Variants in SUGCT observed in about 807,000 individuals in gnomAD.
SUGCT encodes the protein succinyl-CoA:glutarate-CoA transferase, also known as succinyl-CoA:glutarate CoA-transferase.
SUGCT carries 41 observed loss-of-function variants against 55.0 expected under a neutral mutation model. That is an observed-to-expected ratio of 0.74 (90% CI 0.58 to 0.97). The LOEUF (loss-of-function observed/expected upper bound fraction) is 0.97, where lower values mean the gene tolerates loss of function less well. Among genes scored for constraint, SUGCT ranks in the 50% least tolerant of loss-of-function variants. SUGCT has a pLI of 0.00. For missense variants in SUGCT, 568 were observed against 547.8 expected, an observed-to-expected ratio of 1.04 and a Z score of -0.37; for synonymous variants, 187 against 200.4, an observed-to-expected ratio of 0.93 and a Z score of 0.56.
At chr7:40,791,194 T>G (rs1372671679) in intron 13 of SUGCT, among the ~76,000 whole-genome samples, 4 of 152,156 alleles carry the variant, frequency 2.6e-5, no homozygotes, top group Non-Finnish European at 5.9e-5. Context: ...ATTAAAAAAA[T>G]TAAAGTTGTT....
the SUGCT span, among the ~76,000 whole-genome samples, chr7:40,869,371 G>A: frequency 1.3e-5 from 2 of 152,168 alleles, no homozygotes; most frequent in African/African-American, 4.8e-5. Context: ...GCCTCTAGGA[G>A]GTGAGAGAAA....
the SUGCT span, among the ~76,000 whole-genome samples, chr7:41,018,432 C>T: frequency 6.6e-6 from 1 of 152,140 alleles, no homozygotes; most frequent in African/African-American, 2.4e-5. Flanking sequence ...GGTGAGGAAG[C>T]ATGGCAGGGA....
chr7:40,137,155 TCTCA>T (rs1787742990), intron 1 of SUGCT, among the ~76,000 whole-genome samples: 2 of 152,068 alleles, frequency 1.3e-5, no homozygotes, highest in Non-Finnish European at 2.9e-5. Context: ...CATGGGGTGG[TCTCA>T]CTCTGTCACC....
At chr7:40,139,771 G>A (rs757492094) in intron 1 of SUGCT, among the ~76,000 whole-genome samples, 6 of 151,942 alleles carry the variant, frequency 3.9e-5, no homozygotes, top group South Asian at 4.1e-4. Context: ...TTTGTTGCCC[G>A]TGCTTTTGAG....
intron 9 of SUGCT, among the ~76,000 whole-genome samples, chr7:40,361,222 A>G (rs909140472): frequency 3.3e-5 from 5 of 152,104 alleles, no homozygotes; most frequent in African/African-American, 1.2e-4. Flanking sequence ...TTTCCCAGTC[A>G]GCAGTCTAAT....
At chr7:41,033,375 A>G in the SUGCT span, among the ~76,000 whole-genome samples, 7 of 152,080 alleles carry the variant, frequency 4.6e-5, no homozygotes, top group Middle Eastern at 6.3e-3. Context: ...TGGCCATTTA[A>G]ATTTCCCTGA....
chr7:40,756,921 T>C (rs1230206335), intron 13 of SUGCT, among the ~76,000 whole-genome samples: 1 of 152,150 alleles, frequency 6.6e-6, no homozygotes, highest in Non-Finnish European at 1.5e-5. Flanking sequence ...AGGAAGTTTC[T>C]AGAGTCTGTC....
At chr7:40,881,600 A>G in the SUGCT span, among the ~76,000 whole-genome samples, 1 of 152,356 alleles carries the variant, frequency 6.6e-6, no homozygotes, top group African/African-American at 2.4e-5. Flanking sequence ...AAAAGAGGAC[A>G]TTGTTAAGCC....
At chr7:40,610,327 G>A (rs1462894729) in intron 12 of SUGCT, among the ~76,000 whole-genome samples, 2 of 152,126 alleles carry the variant, frequency 1.3e-5, no homozygotes, top group Non-Finnish European at 2.9e-5. Flanking sequence ...CTTAATTCTT[G>A]CAAACCTTTT....
chr7:40,546,610 A>G (rs1332560754), intron 12 of SUGCT: 3 of 152,126 alleles, frequency 2.0e-5, no homozygotes, highest in Non-Finnish European at 2.9e-5. Flanking sequence ...TTGACAACAG[A>G]CTCTTAGACT....
At chr7:40,888,831 G>A in the SUGCT span, among the ~76,000 whole-genome samples, 3 of 152,140 alleles carry the variant, frequency 2.0e-5, no homozygotes, top group African/African-American at 2.4e-5. Context: ...ACCTACTCCC[G>A]AGTATGCATT....
At chr7:40,518,056 A>C (rs1218705540) in intron 12 of SUGCT, among the ~76,000 whole-genome samples, 1 of 152,148 alleles carries the variant, frequency 6.6e-6, no homozygotes, top group African/African-American at 2.4e-5. Context: ...GAACTCTTCT[A>C]TATGGTACTG....
chr7:40,565,075 G>A (rs1366357735), intron 12 of SUGCT, among the ~76,000 whole-genome samples: 1 of 152,202 alleles, frequency 6.6e-6, no homozygotes, highest in African/African-American at 2.4e-5. Flanking sequence ...AAAATATGTT[G>A]TGGATGTGGG....
chr7:40,925,208 T>G, the SUGCT span, among the ~76,000 whole-genome samples: 1 of 152,234 alleles, frequency 6.6e-6, no homozygotes, highest in South Asian at 2.1e-4. Flanking sequence ...TCTATTTTTA[T>G]GAGAATTTTC....
intron 13 of SUGCT, among the ~76,000 whole-genome samples, chr7:40,801,402 G>C (rs1394841481): frequency 6.6e-6 from 1 of 152,130 alleles, no homozygotes; most frequent in Non-Finnish European, 1.5e-5. Flanking sequence ...ATTCTCATAG[G>C]CTTGGGTTAT....
chr7:40,980,304 A>T, the SUGCT span, among the ~76,000 whole-genome samples: 1 of 152,336 alleles, frequency 6.6e-6, no homozygotes, highest in South Asian at 2.1e-4. Context: ...ACAAGTTAAG[A>T]CTTTGGTACA....
At chr7:40,954,281 G>A in the SUGCT span, among the ~76,000 whole-genome samples, 10 of 152,196 alleles carry the variant, frequency 6.6e-5, no homozygotes, top group South Asian at 2.1e-4. Context: ...CTGGTGTGCC[G>A]TTTGTGAAGA....
At chr7:40,563,880 A>G (rs1795982811) in intron 12 of SUGCT, among the ~76,000 whole-genome samples, 1 of 152,198 alleles carries the variant, frequency 6.6e-6, no homozygotes, top group Non-Finnish European at 1.5e-5. Context: ...CTACTTGTGT[A>G]TAGCTGCTGG....
intron 12 of SUGCT, among the ~76,000 whole-genome samples, chr7:40,716,313 C>T (rs936889478): frequency 2.6e-5 from 4 of 152,170 alleles, no homozygotes; most frequent in African/African-American, 9.7e-5. Context: ...TTTGCTGGAT[C>T]CTATTACATA....
Sources: allele counts gnomAD v4.1 joint callset (sites outside exome capture counted in the v4.1 genomes callset), GRCh38; gene constraint gnomAD v4.1.1; transcripts MANE v1.5; gene names NCBI Gene and HGNC (gene_info 2026-07-23, HGNC 2026-07-21).